The following LURAP1L variants were observed in gnomAD, a reference collection of about 807,000 sequenced individuals.
The protein encoded by LURAP1L is leucine rich adaptor protein 1 like.
LURAP1L carries 12 observed loss-of-function variants against 13.8 expected under a neutral mutation model. That is an observed-to-expected ratio of 0.87 (90% CI 0.56 to 1.41). The LOEUF (loss-of-function observed/expected upper bound fraction) is 1.41. LURAP1L is among the 40% of genes most tolerant of loss of function. LURAP1L has a pLI of 0.00. For synonymous variants in LURAP1L, 139 were observed against 119.2 expected (o/e 1.17, Z -1.08); for missense variants, 375 against 292.9 (o/e 1.28, Z -2.04).
chr9:12,813,223 C>A (rs1437452081), intron 1 of LURAP1L, among the ~76,000 whole-genome samples: 1 of 152,102 alleles, frequency 6.6e-6, no homozygotes, highest in East Asian at 1.9e-4. Context: ...TTGCCAATCA[C>A]AGACATTATT....
intron 1 of LURAP1L, among the ~76,000 whole-genome samples, chr9:12,797,966 T>G (rs766025780): frequency 2.0e-5 from 3 of 152,158 alleles, no homozygotes; most frequent in African/African-American, 4.8e-5. Context: ...ATAATGAAAT[T>G]TTCCCTAAAA....
chr9:12,798,251 T>G (rs1305077085), intron 1 of LURAP1L, among the ~76,000 whole-genome samples: 100 of 152,174 alleles, frequency 6.6e-4, no homozygotes, highest in Admixed American at 6.4e-3. Context: ...GCTCATCATG[T>G]GCCATCTGCT....
intron 1 of LURAP1L, among the ~76,000 whole-genome samples, chr9:12,809,446 G>A (rs1241959824): frequency 1.3e-5 from 2 of 152,154 alleles, no homozygotes; most frequent in African/African-American, 2.4e-5. Context: ...ATGTTACAGT[G>A]TTTTTGATTT....
intron 1 of LURAP1L, among the ~76,000 whole-genome samples, chr9:12,791,750 T>C (rs1028210468): frequency 2.6e-5 from 4 of 151,368 alleles, no homozygotes; most frequent in Admixed American, 6.6e-5. Context: ...TCTTAAGAAA[T>C]TTGCACATGA....
intron 1 of LURAP1L, among the ~76,000 whole-genome samples, chr9:12,791,093 G>T (rs1227570441): frequency 2.0e-5 from 3 of 152,086 alleles, no homozygotes. Flanking sequence ...TCCCTGAGGT[G>T]TCTGAAGCAG....
At chr9:12,790,549 C>T (rs984834315) in intron 1 of LURAP1L, 4 of 151,708 alleles carry the variant, frequency 2.6e-5, no homozygotes, top group Admixed American at 6.6e-5. Context: ...ATATATTTCC[C>T]CTGTCTATTA....
chr9:12,786,425 T>C (rs916040444), intron 1 of LURAP1L, among the ~76,000 whole-genome samples: 7 of 150,910 alleles, frequency 4.6e-5, no homozygotes, highest in Non-Finnish European at 1.0e-4. Flanking sequence ...ATTAAAAGCC[T>C]TCAAACTGGA....
chr9:12,811,424 C>T (rs1819734018), intron 1 of LURAP1L, among the ~76,000 whole-genome samples: 1 of 152,196 alleles, frequency 6.6e-6, no homozygotes, highest in Non-Finnish European at 1.5e-5. Context: ...CATAAATCAT[C>T]TGTCATTTCT....
intron 1 of LURAP1L, among the ~76,000 whole-genome samples, chr9:12,820,062 A>G (rs769491849): frequency 6.2e-4 from 94 of 151,838 alleles, no homozygotes; most frequent in Non-Finnish European, 9.7e-4. Flanking sequence ...TTCCAACAGA[A>G]CAATCATGGG....
chr9:12,781,338 CGTT>C (rs1174049259), intron 1 of LURAP1L, among the ~76,000 whole-genome samples: 4 of 152,118 alleles, frequency 2.6e-5, no homozygotes, highest in African/African-American at 9.7e-5. Flanking sequence ...TACTACCAAA[CGTT>C]AGCTCTTATT....
chr9:12,801,000 C>G (rs149094390), intron 1 of LURAP1L, among the ~76,000 whole-genome samples: 8 of 152,192 alleles, frequency 5.3e-5, no homozygotes, highest in East Asian at 3.9e-4. Context: ...TATACTTGCT[C>G]AACTGAAAGA....
Position 12,775,074 on chromosome 9 carries a change from G to C in LURAP1L, c.-642G>C, listed in dbSNP as rs952476582. The C allele has an allele frequency of 6.6e-6, 1 of 152,180 alleles. No individual in the cohort carries two copies. Among genetic ancestry groups the C allele is most frequent in the Admixed American group, 6.5e-5 (1 of 15,274 alleles). 9.4% of individuals were successfully genotyped at this position (152,180 alleles called of 1,614,324 possible). ...AAGAAGGACATTTTTGCTGCATCAAGGAAGCCGTTAAACTCCTGCTAAGCT... is the reference window on the plus strand; with the variant it reads ...AAGAAGGACATTTTTGCTGCATCAACGAAGCCGTTAAACTCCTGCTAAGCT... On this transcript the variant is annotated 5_prime_UTR_variant, in exon 1 of 2. Coordinates refer to ENST00000319264, the MANE Select transcript of LURAP1L (RefSeq NM_203403.2).
Position 12,775,944 on chromosome 9 carries a change from C to A in LURAP1L, c.229C>A (p.Pro77Thr). The change falls in exon 1 of 2, where the codon CCA becomes ACA. Residue 77 changes from proline to threonine, a missense_variant. Physicochemically the swap from Pro to Thr is conservative, Grantham distance 38. Transcript: ENST00000319264. The part of the protein sequence containing the change: ...PSLSSSSSSS[P>T]TSGSPRGSHS... ...CTTGTCGTCCTCCTCTTCGTCCTCC[C>A]CAACCTCTGGCTCCCCACGAGGTAG... The A allele has an allele frequency of 6.3e-7, 1 of 1,586,096 alleles. No homozygotes were observed.
rs1239910262 is a variant in LURAP1L at position 12,776,038 on chromosome 9, T to C, written c.312+11T>C. On this transcript the variant is annotated intron_variant, in intron 1 of 1. Transcript: ENST00000319264. The stretch of plus-strand genomic sequence containing the variant: ...CTCAGGCAAGAGATGGTGAGTGTGG[T>C]GCGCCAGCCGCGGGGGCTGGGACCT... 6.2e-7 allele frequency: 1 copy of C among 1,612,452 alleles called. No individual in the cohort carries two copies. The highest frequency in any genetic ancestry group is 8.5e-7 in the Non-Finnish European group (1 of 1,179,480).
intron 1 of LURAP1L, among the ~76,000 whole-genome samples, chr9:12,799,765 T>G (rs535396126): frequency 1.3e-5 from 2 of 151,850 alleles, no homozygotes; most frequent in African/African-American, 4.8e-5. Flanking sequence ...CCCCAGCTAC[T>G]TGGGAGGCTG....
intron 1 of LURAP1L, among the ~76,000 whole-genome samples, chr9:12,792,960 G>T (rs1819462817): frequency 6.6e-6 from 1 of 152,008 alleles, no homozygotes; most frequent in African/African-American, 2.4e-5. Context: ...AATTATGTGA[G>T]AAGAAACTTA....
chr9:12,787,000 G>C (rs1273929330), intron 1 of LURAP1L, among the ~76,000 whole-genome samples: 5 of 152,064 alleles, frequency 3.3e-5, no homozygotes, highest in Non-Finnish European at 7.4e-5. Context: ...ACCCACCTTA[G>C]TAAATTCACA....
intron 1 of LURAP1L, among the ~76,000 whole-genome samples, chr9:12,787,083 T>G (rs921183021): frequency 6.6e-6 from 1 of 152,128 alleles, no homozygotes; most frequent in African/African-American, 2.4e-5. Context: ...ATATTATTGC[T>G]AAAACATGCA....
intron 1 of LURAP1L, among the ~76,000 whole-genome samples, chr9:12,796,613 G>T (rs1282761608): frequency 6.6e-6 from 1 of 151,948 alleles, no homozygotes; most frequent in East Asian, 1.9e-4. Flanking sequence ...TAAGCTGGAG[G>T]AATATACCTC....
Sources: gnomAD v4.1 joint callset for allele counts (sites outside exome capture counted in the v4.1 genomes callset) on GRCh38, gnomAD v4.1.1 for gene constraint, MANE v1.5 for transcripts, NCBI Gene and HGNC (gene_info 2026-07-23, HGNC 2026-07-21) for gene names.